The following OPN5 variants were observed in gnomAD, a reference collection of about 807,000 sequenced individuals.
OPN5 encodes the protein opsin-5.
OPN5 carries 18 observed loss-of-function variants against 41.7 expected under a neutral mutation model. That is an observed-to-expected ratio of 0.43 (90% CI 0.30 to 0.64). The LOEUF (loss-of-function observed/expected upper bound fraction) is 0.64. OPN5 is among the 30% of genes least tolerant of loss of function. The probability of loss-of-function intolerance (pLI) is 0.13; values close to 1 mark genes in which losing one functional copy is unlikely to be tolerated. For missense variants in OPN5, 318 were observed against 434.5 expected, an observed-to-expected ratio of 0.73 and a Z score of 2.38; for synonymous variants, 178 against 164.3, an observed-to-expected ratio of 1.08 and a Z score of -0.64.
chr6:47,802,000 T>A (rs1773794946), intron 4 of OPN5, among the ~76,000 whole-genome samples: 1 of 152,246 alleles, frequency 6.6e-6, no homozygotes, highest in Non-Finnish European at 1.5e-5. Flanking sequence ...ATAGTCAATG[T>A]GTGTTTTTTA....
At chr6:47,793,215 A>T (rs1206833950) in intron 3 of OPN5, among the ~76,000 whole-genome samples, 1 of 152,082 alleles carries the variant, frequency 6.6e-6, no homozygotes, top group African/African-American at 2.4e-5. Flanking sequence ...ACTTCCTGAG[A>T]GTGTTTGAGG....
At chr6:47,797,249 C>T (rs1347823188) in intron 4 of OPN5, among the ~76,000 whole-genome samples, 3 of 152,072 alleles carry the variant, frequency 2.0e-5, no homozygotes, top group Admixed American at 6.6e-5. Context: ...GTAGAGGAAG[C>T]TTTGAGGGAT....
intron 6 of OPN5, among the ~76,000 whole-genome samples, chr6:47,815,941 G>T (rs1178893587): frequency 6.6e-6 from 1 of 152,020 alleles, no homozygotes; most frequent in African/African-American, 2.4e-5. Context: ...CAATTACTTT[G>T]AACCCTCTTT....
At chr6:47,801,779 C>T (rs1773783346) in intron 4 of OPN5, among the ~76,000 whole-genome samples, 1 of 150,308 alleles carries the variant, frequency 6.7e-6, no homozygotes, top group Non-Finnish European at 1.5e-5. Context: ...TTTGTTACCA[C>T]TACTTGATGA....
chr6:47,784,224 C>G (rs1018471021), intron 1 of OPN5, among the ~76,000 whole-genome samples: 1 of 152,018 alleles, frequency 6.6e-6, no homozygotes, highest in African/African-American at 2.4e-5. Flanking sequence ...TGGACTCACC[C>G]TAGATCCACT....
At chr6:47,803,704 G>T (rs1185067047) in intron 4 of OPN5, among the ~76,000 whole-genome samples, 1 of 152,140 alleles carries the variant, frequency 6.6e-6, no homozygotes, top group Non-Finnish European at 1.5e-5. Context: ...AAGGTAGCAT[G>T]CAGCTTCAAG....
intron 6 of OPN5, among the ~76,000 whole-genome samples, chr6:47,819,826 G>A (rs2114011757): frequency 6.6e-6 from 1 of 152,248 alleles, no homozygotes; most frequent in Non-Finnish European, 1.5e-5. Context: ...GGCAAAATGT[G>A]TTCTCATTAC....
intron 4 of OPN5, among the ~76,000 whole-genome samples, chr6:47,797,131 C>A (rs1773598672): frequency 6.6e-6 from 1 of 152,118 alleles, no homozygotes; most frequent in Admixed American, 6.6e-5. Context: ...ATGGGAGCTA[C>A]AATTCAAGAT....
intron 2 of OPN5, among the ~76,000 whole-genome samples, chr6:47,790,596 T>A (rs4112769): frequency 0.97 from 147,626 of 152,344 alleles, 71,722 homozygotes; most frequent in East Asian, 1. Context: ...AGTAACAAGG[T>A]AATAGTAAAA....
At chr6:47,788,704 C>T (rs1171841752) in intron 2 of OPN5, among the ~76,000 whole-genome samples, 2 of 150,384 alleles carry the variant, frequency 1.3e-5, no homozygotes, top group African/African-American at 2.4e-5. Flanking sequence ...GCAACTAATA[C>T]TTGTTGACTA....
intron 5 of OPN5, 138 bp downstream of exon 5, chr6:47,808,533 G>A: frequency 1.1e-6 from 1 of 928,062 alleles, no homozygotes; most frequent in Non-Finnish European, 1.6e-6. Context: ...TTTATTTTCT[G>A]TTTATCAAAA....
At chr6:47,795,675 G>C (rs900814027) in intron 4 of OPN5, 112 bp downstream of exon 4, 2 of 721,856 alleles carry the variant, frequency 2.8e-6, no homozygotes, top group Non-Finnish European at 4.6e-6. Context: ...TATTCTTTAC[G>C]TAATTCTGAA....
chr6:47,815,050 G>A (rs1296864002), intron 6 of OPN5, among the ~76,000 whole-genome samples: 1 of 152,074 alleles, frequency 6.6e-6, no homozygotes, highest in Non-Finnish European at 1.5e-5. Context: ...AAATAAGTTT[G>A]TAAAATGGAA....
chr6:47,809,958 C>T (rs1181760205), intron 5 of OPN5, among the ~76,000 whole-genome samples: 1 of 152,166 alleles, frequency 6.6e-6, no homozygotes, highest in Non-Finnish European at 1.5e-5. Flanking sequence ...GTAATTTTGC[C>T]TCAGACTGCC....
At chr6:47,783,131 G>A (rs956346457) in intron 1 of OPN5, among the ~76,000 whole-genome samples, 1 of 151,528 alleles carries the variant, frequency 6.6e-6, no homozygotes, top group Admixed American at 6.6e-5. Flanking sequence ...TATGTGGCTC[G>A]CATTTCTGGC....
At chr6:47,809,267 T>C (rs997877060) in intron 5 of OPN5, among the ~76,000 whole-genome samples, 3 of 152,176 alleles carry the variant, frequency 2.0e-5, no homozygotes, top group Non-Finnish European at 4.4e-5. Context: ...TGTTCTTATT[T>C]ACTTGATTTT....
chr6:47,816,130 A>G (rs367981660), intron 6 of OPN5, among the ~76,000 whole-genome samples: 3 of 152,282 alleles, frequency 2.0e-5, no homozygotes, highest in East Asian at 3.9e-4. Flanking sequence ...GCATTCACTC[A>G]TTCAGCTTTG....
chr6:47,821,291 G>T (rs886183854), intron 6 of OPN5, among the ~76,000 whole-genome samples: 3 of 152,222 alleles, frequency 2.0e-5, no homozygotes, highest in Non-Finnish European at 4.4e-5. Flanking sequence ...ACTACCTTGT[G>T]GGGAATGCTA....
intron 6 of OPN5, among the ~76,000 whole-genome samples, chr6:47,819,336 A>AATATATATATATAT (rs1363402346): frequency 8.2e-5 from 2 of 24,328 alleles, no homozygotes; most frequent in Admixed American, 1.3e-3. Flanking sequence ...GAAAATTAGG[A>AATATATATATATAT]ATATATATAT....
Sources: allele counts gnomAD v4.1 joint callset (sites outside exome capture counted in the v4.1 genomes callset), GRCh38; gene constraint gnomAD v4.1.1; transcripts MANE v1.5; gene names NCBI Gene and HGNC (gene_info 2026-07-23, HGNC 2026-07-21).